PTH2R: variants seen among roughly 807,000 people sequenced by gnomAD.
PTH2R encodes the protein PTH2 receptor.
Under a neutral mutation model 60.3 loss-of-function variants are expected in PTH2R, and 59 were observed. That is an observed-to-expected ratio of 0.98 (90% CI 0.79 to 1.22). The LOEUF is 1.22. Among genes scored for constraint, PTH2R ranks in the 50% most tolerant of loss-of-function variants. The probability of loss-of-function intolerance (pLI) is 0.00; values close to 1 mark genes in which losing one functional copy is unlikely to be tolerated. For synonymous variants in PTH2R, 256 were observed against 243.8 expected (o/e 1.05, Z -0.47); for missense variants, 749 against 682.6 (o/e 1.10, Z -1.08).
chr2:208,440,096 G>T (rs1702152288), intron 4 of PTH2R, among the ~76,000 whole-genome samples: 3 of 152,184 alleles, frequency 2.0e-5, no homozygotes, highest in African/African-American at 7.2e-5. Flanking sequence ...TGAGAATGCA[G>T]ATGCTTAAAA....
At chr2:208,410,455 C>G (rs186773875) in intron 1 of PTH2R, among the ~76,000 whole-genome samples, 1 of 152,250 alleles carries the variant, frequency 6.6e-6, no homozygotes, top group African/African-American at 2.4e-5. Context: ...TACACATGTC[C>G]TCTGTCCCAG....
At chr2:208,436,700 A>G (rs543955599) in intron 2 of PTH2R, among the ~76,000 whole-genome samples, 1 of 152,140 alleles carries the variant, frequency 6.6e-6, no homozygotes, top group African/African-American at 2.4e-5. Flanking sequence ...CACAGAGTGC[A>G]CTGGGCTAAT....
intron 1 of PTH2R, among the ~76,000 whole-genome samples, chr2:208,367,608 G>T (rs910553928): frequency 6.6e-6 from 1 of 151,992 alleles, no homozygotes; most frequent in Non-Finnish European, 1.5e-5. Context: ...GACCTCAGGT[G>T]ATCTGCCTGC....
At chr2:208,438,799 A>G (rs1432494742) in intron 4 of PTH2R, among the ~76,000 whole-genome samples, 1 of 152,178 alleles carries the variant, frequency 6.6e-6, no homozygotes, top group African/African-American at 2.4e-5. Context: ...CAGCAGCAAG[A>G]GAAGTAGTGA....
intron 8 of PTH2R, among the ~76,000 whole-genome samples, chr2:208,453,946 G>GA (rs1320774216): frequency 3.3e-5 from 5 of 152,046 alleles, no homozygotes; most frequent in Non-Finnish European, 5.9e-5. Flanking sequence ...TATATAAACA[G>GA]AAAAAAATCT....
chr2:208,427,723 A>C (rs11887246), intron 1 of PTH2R, among the ~76,000 whole-genome samples: 6,884 of 152,150 alleles, frequency 0.045, 215 homozygotes, highest in African/African-American at 0.096. Context: ...TGATAAATAC[A>C]GATGGTTTCT....
chr2:208,431,306 C>T (rs954234275), intron 2 of PTH2R, among the ~76,000 whole-genome samples: 2 of 152,068 alleles, frequency 1.3e-5, no homozygotes, highest in African/African-American at 2.4e-5. Context: ...TTTCAAATCT[C>T]TTCTTTTTTT....
chr2:208,415,737 A>T (rs879863669), intron 1 of PTH2R, among the ~76,000 whole-genome samples: 1 of 152,326 alleles, frequency 6.6e-6, no homozygotes, highest in Middle Eastern at 3.4e-3. Flanking sequence ...CACAGCATTC[A>T]GTCAGAAAAA....
intron 1 of PTH2R, among the ~76,000 whole-genome samples, chr2:208,369,194 C>T (rs752986571): frequency 1.3e-5 from 2 of 151,978 alleles, no homozygotes; most frequent in African/African-American, 2.4e-5. Flanking sequence ...GTTTCTCTGC[C>T]AGGTGTTTCA....
chr2:208,450,654 CA>C, intron 7 of PTH2R, 94 bp from the exon 8 acceptor site: 1 of 1,207,906 alleles, frequency 8.3e-7, no homozygotes, highest in African/African-American at 1.5e-5. Flanking sequence ...TATCTCTGAA[CA>C]GCTAATAGTA....
chr2:208,366,966 T>C (rs1312865724), intron 1 of PTH2R, among the ~76,000 whole-genome samples: 4 of 152,244 alleles, frequency 2.6e-5, no homozygotes, highest in African/African-American at 7.2e-5. Context: ...TTCTGTTTTC[T>C]GTATGTCACT....
At position 208,437,765 on chromosome 2, in the gene PTH2R, G is replaced by A. The variant is rs762403678; in HGVS notation, c.295G>A (p.Ala99Thr). ...YIYDFNHKGV[A>T]FRHCNPNGTW... ...CATCTTTCATGTCTTTACAGGAGTT[G>A]CTTTCCGACACTGTAACCCCAATGG... Residue 99 changes from alanine to threonine, a missense_variant, in exon 4 of 13, where the codon GCT becomes ACT. Physicochemically the swap from Ala to Thr is moderately conservative, Grantham distance 58 (BLOSUM62 0). Transcript: ENST00000272847. 5 of 1,612,182 alleles carry A rather than the reference G, an allele frequency of 3.1e-6. No individual in the cohort carries two copies. The South Asian group carries it at 3.3e-5, about 11-fold the overall frequency.
At chr2:208,464,511 A>G (rs1298840403) in intron 9 of PTH2R, among the ~76,000 whole-genome samples, 1 of 152,184 alleles carries the variant, frequency 6.6e-6, no homozygotes, top group South Asian at 2.1e-4. Flanking sequence ...TGAGATGCAC[A>G]TGGACACAGT....
chr2:208,419,815 G>A (rs1701715353), intron 1 of PTH2R, among the ~76,000 whole-genome samples: 1 of 152,062 alleles, frequency 6.6e-6, no homozygotes, highest in Non-Finnish European at 1.5e-5. Context: ...AAATCATGCT[G>A]CTATAAAGAC....
intron 1 of PTH2R, among the ~76,000 whole-genome samples, chr2:208,365,921 AATAGATAAATATATAT>A (rs1700570039): frequency 1.1e-5 from 1 of 88,536 alleles, no homozygotes; most frequent in African/African-American, 5.3e-5. Context: ...TATATAATAT[AATAGATAAATATATAT>A]ATATATATAT....
At chr2:208,481,716 T>G (rs1703157244) in intron 10 of PTH2R, among the ~76,000 whole-genome samples, 1 of 152,214 alleles carries the variant, frequency 6.6e-6, no homozygotes, top group African/African-American at 2.4e-5. Context: ...GATGTTCTCA[T>G]CAACTATATA....
Position 208,437,777 on chromosome 2 carries a change from T to A in PTH2R, c.307T>A (p.Cys103Ser). The stretch of plus-strand genomic sequence containing the variant: ...CTTTACAGGAGTTGCTTTCCGACAC[T>A]GTAACCCCAATGGAACATGGGATTT... ...FNHKGVAFRH[C>S]NPNGTWDFMH... Residue 103 changes from cysteine to serine, a missense_variant, in exon 4 of 13, where the codon TGT (cysteine) becomes AGT (serine). By Grantham distance (112) the Cys-to-Ser change is moderately radical. Coordinates refer to ENST00000272847, the MANE Select transcript of PTH2R (RefSeq NM_005048.4). The A allele has an allele frequency of 6.2e-7, 1 of 1,613,520 alleles. No homozygotes were observed. The highest frequency in any genetic ancestry group is 8.5e-7 in the Non-Finnish European group (1 of 1,179,480).
intron 1 of PTH2R, among the ~76,000 whole-genome samples, chr2:208,363,151 G>A (rs1700511675): frequency 1.3e-5 from 2 of 152,066 alleles, no homozygotes; most frequent in South Asian, 4.2e-4. Context: ...GTACCTGATA[G>A]GTAGTTTTTT....
chr2:208,452,726 T>C (rs1702430890), intron 8 of PTH2R, among the ~76,000 whole-genome samples: 1 of 152,188 alleles, frequency 6.6e-6, no homozygotes, highest in East Asian at 1.9e-4. Flanking sequence ...ATGAAAACAT[T>C]TTCTGGCATT....
Sources: gnomAD v4.1 joint callset for allele counts (sites outside exome capture counted in the v4.1 genomes callset) on GRCh38, gnomAD v4.1.1 for gene constraint, MANE v1.5 for transcripts, NCBI Gene and HGNC (gene_info 2026-07-23, HGNC 2026-07-21) for gene names.